ZNF84: variants seen among roughly 807,000 people sequenced by gnomAD.
ZNF84 encodes the protein zinc finger protein 84.
A neutral mutation model predicts 14.8 loss-of-function variants in ZNF84; 12 were observed. That is an observed-to-expected ratio of 0.81 (90% CI 0.52 to 1.31). ZNF84 has a LOEUF of 1.31. Ranked by LOEUF, ZNF84 falls within the 50% of genes most tolerant of loss-of-function variation. The probability of loss-of-function intolerance (pLI) is 0.00; values close to 1 mark genes in which losing one functional copy is unlikely to be tolerated. For synonymous variants in ZNF84, 347 were observed against 291.1 expected, an observed-to-expected ratio of 1.19 and a Z score of -1.96; for missense variants, 859 against 878.6, an observed-to-expected ratio of 0.98 and a Z score of 0.28.
intron 1 of ZNF84, chr12:133,038,798 A>G (rs1160290988): frequency 1.3e-5 from 2 of 151,964 alleles, no homozygotes; most frequent in Admixed American, 6.6e-5. Flanking sequence ...ATATTCCTAC[A>G]TATTTTATGT....
At chr12:133,046,721 G>A (rs753792670) in intron 2 of ZNF84, among the ~76,000 whole-genome samples, 2,130 of 150,964 alleles carry the variant, frequency 0.014, 29 homozygotes, top group Non-Finnish European at 0.02. Flanking sequence ...CAGTGCAGTG[G>A]TGCAATCACA....
chr12:133,056,428 TA>T (rs1954159512), intron 4 of ZNF84, among the ~76,000 whole-genome samples: 1 of 152,026 alleles, frequency 6.6e-6, no homozygotes, highest in African/African-American at 2.4e-5. Flanking sequence ...TAATTTTTTG[TA>T]TTTTTAGTAG....
chr12:133,045,198 C>T (rs993425586), intron 2 of ZNF84, among the ~76,000 whole-genome samples: 11 of 151,500 alleles, frequency 7.3e-5, no homozygotes, highest in African/African-American at 1.5e-4. Context: ...CAGCTGGGCA[C>T]GGTGGCTCAC....
intron 2 of ZNF84, among the ~76,000 whole-genome samples, chr12:133,041,875 G>A (rs1410826690): frequency 6.6e-6 from 1 of 152,206 alleles, no homozygotes; most frequent in Admixed American, 6.5e-5. Context: ...CCTTGATGAA[G>A]TCTTATGAAT....
chr12:133,054,960 T>A (rs1954128948), intron 4 of ZNF84, among the ~76,000 whole-genome samples: 1 of 152,152 alleles, frequency 6.6e-6, no homozygotes, highest in African/African-American at 2.4e-5. Context: ...TTTTCTGCCT[T>A]ATCTAAATAT....
intron 4 of ZNF84, 87 bp downstream of exon 4, chr12:133,048,935 GGGCTGGTCAGTGATGGGTT>G: frequency 5.5e-6 from 6 of 1,096,162 alleles, no homozygotes; most frequent in Non-Finnish European, 8.0e-6. Flanking sequence ...AGTGATGGGT[GGGCTGGTCAGTGATGGGTT>G]GGCTGGTCAG....
Position 133,058,627 on chromosome 12 carries a change from G to A in ZNF84, c.1912G>A (p.Glu638Lys). 1.2e-6 allele frequency: 2 copies of A among 1,614,126 alleles called. No individual in the cohort carries two copies. Among genetic ancestry groups the A allele is most frequent in the South Asian group, 1.1e-5 (1 of 91,076 alleles). ...CAATGAATGTAGAAAAGCCTTCAGG[G>A]AGAAGTCAAGTCTCATCAATCATCA... ...ECNECRKAFR[E>K]KSSLINHQRI... is the part of the protein sequence containing the mutation. Residue 638 changes from glutamate (E) to lysine (K), a missense_variant, in exon 5 of 5, where the codon GAG (glutamate) becomes AAG (lysine). By Grantham distance (56) the Glu-to-Lys change is moderately conservative. Transcript: ENST00000539354.
intron 4 of ZNF84, among the ~76,000 whole-genome samples, chr12:133,053,777 T>C (rs2137399691): frequency 6.6e-6 from 1 of 152,188 alleles, no homozygotes; most frequent in Admixed American, 6.5e-5. Flanking sequence ...AATGGGGTCT[T>C]GATTTTAACC....
At chr12:133,054,622 CTT>C (rs137958416) in intron 4 of ZNF84, among the ~76,000 whole-genome samples, 4 of 143,266 alleles carry the variant, frequency 2.8e-5, no homozygotes, top group Non-Finnish European at 3.0e-5. Flanking sequence ...AGTGGCTTTC[CTT>C]TTTTTTTTTT....
At chr12:133,041,525 A>T in intron 2 of ZNF84, 43 bp downstream of exon 2, 1 of 1,600,496 alleles carries the variant, frequency 6.2e-7, no homozygotes, top group Non-Finnish European at 8.6e-7. Flanking sequence ...AGGGAATTAG[A>T]AGAAATGTAT....
At chr12:133,044,771 GGGCGTGGTGGCA>G (rs1386214518) in intron 2 of ZNF84, among the ~76,000 whole-genome samples, 3 of 151,906 alleles carry the variant, frequency 2.0e-5, no homozygotes, top group Non-Finnish European at 4.4e-5. Context: ...AAAATTAGCC[GGGCGTGGTGGCA>G]GGCGCCTGTT....
In ZNF84 at chr12:133,060,961, ATTG is replaced by A. The variant is rs1351400764; in HGVS notation, c.*2034_*2036del. ...TCAAGACTTCTCCTTTTATGTTCAA[ATTG>A]TTGTATCAGTATGGTATTTTGCACC... On this transcript the variant is annotated 3_prime_UTR_variant, in exon 5 of 5. Coordinates refer to ENST00000539354, the MANE Select transcript of ZNF84 (RefSeq NM_001289971.2). 2.0e-5 allele frequency: 3 copies of A among 152,304 alleles called. No individual in the cohort carries two copies. The highest frequency in any genetic ancestry group is 4.8e-5 in the African/African-American group (2 of 41,568). 9.4% of individuals were successfully genotyped at this position (152,304 alleles called of 1,614,324 possible).
rs1954198230 is a variant in ZNF84 at position 133,058,329 on chromosome 12, A to G, written c.1614A>G (p.Thr538=). The change falls in exon 5 of 5, where the codon ACA becomes ACG. Residue 538 remains threonine (T), a synonymous_variant. Transcript: ENST00000539354. ...SHLISHQRTH[T]GEKPYECSEC... ...TCATATCACATCAGAGGACACATAC[A>G]GGGGAGAAACCCTATGAATGCAGTG... is the stretch of plus-strand genomic sequence containing the variant. The G allele has an allele frequency of 6.2e-7, 1 of 1,613,954 alleles. No individual in the cohort carries two copies. Among genetic ancestry groups the G allele is most frequent in the Admixed American group, 1.7e-5 (1 of 60,000 alleles).
intron 1 of ZNF84, among the ~76,000 whole-genome samples, chr12:133,040,149 ATT>A (rs533833390): frequency 6.8e-6 from 1 of 146,534 alleles, no homozygotes; most frequent in Admixed American, 6.8e-5. Flanking sequence ...GCCAATTTGG[ATT>A]TTTTTTTTTT....
chr12:133,056,407 C>T (rs892448848), intron 4 of ZNF84, among the ~76,000 whole-genome samples: 2 of 152,188 alleles, frequency 1.3e-5, no homozygotes, highest in Non-Finnish European at 1.5e-5. Flanking sequence ...GCGCCCACCA[C>T]CACACCCGGC....
intron 2 of ZNF84, among the ~76,000 whole-genome samples, chr12:133,041,715 A>G (rs1029962604): frequency 3.3e-5 from 5 of 152,322 alleles, no homozygotes; most frequent in African/African-American, 1.2e-4. Context: ...TAATTACTGC[A>G]TTTGAGCTGC....
At chr12:133,048,635 T>G (rs1954024196) in intron 3 of ZNF84, 118 bp from the exon 4 acceptor site, 1 of 653,710 alleles carries the variant, frequency 1.5e-6, no homozygotes, top group Non-Finnish European at 2.7e-6. Context: ...TGAGAATTAC[T>G]TACTCTGTTG....
rs1319945991 is a variant in ZNF84, at chr12:133,060,059, A to G, written c.*1127A>G. 1 of 152,182 alleles carries G rather than the reference A, an allele frequency of 6.6e-6. No individual in the cohort carries two copies. Among genetic ancestry groups the G allele is most frequent in the African/African-American group, 2.4e-5 (1 of 41,450 alleles). 9.4% of individuals were successfully genotyped at this position (152,182 alleles called of 1,614,324 possible). A position where few individuals can be genotyped will look rare whatever the true frequency, so the allele number is the denominator to read the frequency against. On this transcript the variant is annotated 3_prime_UTR_variant, in exon 5 of 5. Transcript: ENST00000539354. Reference sequence around the variant, plus strand: ...GAACTACATTACAACACCCAAACTAAATGAAATAAAGTAGTGCTGTATTAA... The same window carrying G: ...GAACTACATTACAACACCCAAACTAGATGAAATAAAGTAGTGCTGTATTAA...
rs1242190006 is a variant in ZNF84 at position 133,060,932 on chromosome 12, A to AT, written c.*2000_*2001insT. The AT allele has an allele frequency of 6.6e-6, 1 of 152,206 alleles. No individual in the cohort carries two copies. The highest frequency in any genetic ancestry group is 1.5e-5 in the Non-Finnish European group (1 of 68,044). The allele number at this position is 152,206 out of a possible 1,614,324, so 9.4% of individuals were successfully genotyped here. The stretch of plus-strand genomic sequence containing the variant: ...ATTGAGCTTGATTGCAAACTTAGAA[A>AT]AACTCAAGACTTCTCCTTTTATGTT... On this transcript the variant is annotated 3_prime_UTR_variant, in exon 5 of 5. Transcript: ENST00000539354.
Sources: allele counts gnomAD v4.1 joint callset (sites outside exome capture counted in the v4.1 genomes callset), GRCh38; gene constraint gnomAD v4.1.1; transcripts MANE v1.5; gene names NCBI Gene and HGNC (gene_info 2026-07-23, HGNC 2026-07-21).